The following RGS3 variants were observed in gnomAD, a reference collection of about 807,000 sequenced individuals.
RGS3 encodes regulator of G protein signaling 3, also known as regulator of G-protein signalling 3.
Under a neutral mutation model 132.6 loss-of-function variants are expected in RGS3, and 80 were observed. The observed-to-expected ratio is 0.60, with a 90% CI of 0.50 to 0.73. The LOEUF (loss-of-function observed/expected upper bound fraction) is 0.73. Among genes scored for constraint, RGS3 ranks in the 30% least tolerant of loss-of-function variants. The probability of loss-of-function intolerance (pLI) is 0.00; values close to 1 mark genes in which losing one functional copy is unlikely to be tolerated. For synonymous variants in RGS3, 598 were observed against 620.6 expected (o/e 0.96, Z 0.54); for missense variants, 1,382 against 1,530.8 (o/e 0.90, Z 1.62).
At chr9:113,528,992 C>A (rs771351091) in intron 17 of RGS3, among the ~76,000 whole-genome samples, 13 of 152,212 alleles carry the variant, frequency 8.5e-5, no homozygotes, top group Non-Finnish European at 1.9e-4. Flanking sequence ...TTCAGCATTC[C>A]TTGGGCCAGG....
At chr9:113,457,835 A>C (rs1829396549), upstream of RGS3, among the ~76,000 whole-genome samples, 1 of 152,092 alleles carries the variant, frequency 6.6e-6, no homozygotes, top group Non-Finnish European at 1.5e-5. Context: ...TTTTGAGGCA[A>C]TTTCTATAAG....
chr9:113,499,733 C>T (rs1241542883), intron 10 of RGS3, among the ~76,000 whole-genome samples: 1 of 152,218 alleles, frequency 6.6e-6, no homozygotes, highest in Non-Finnish European at 1.5e-5. Flanking sequence ...GTGTGGTGAC[C>T]ACCTGCTACC....
rs1360174669 is a variant in RGS3, at chr9:113,506,903, A to G, written c.1086-384A>G. ...CTCCCAAATTTTGATCCTCTAGGGT[A>G]AAACCCCGATGGCCCCATTTTAGGT... is the stretch of plus-strand genomic sequence containing the variant. On this transcript the variant is annotated intron_variant, in intron 12 of 24. Coordinates refer to ENST00000350696, the Ensembl canonical transcript of RGS3. This position sits in a 1 kb window ranked among gnomAD's most constrained non-coding sequence, Gnocchi z 4.7. Among the ~76,000 whole-genome samples, 1 of 152,228 alleles carries G rather than the reference A, an allele frequency of 6.6e-6. No homozygotes were observed. The highest frequency in any genetic ancestry group is 2.1e-4 in the South Asian group (1 of 4,834).
At chr9:113,451,877 G>GC (rs1829254076) in intron 1 of RGS3, among the ~76,000 whole-genome samples, 1 of 151,776 alleles carries the variant, frequency 6.6e-6, no homozygotes, top group African/African-American at 2.4e-5. Flanking sequence ...TTCTTGTAGC[G>GC]CATGTTTGCA....
At chr9:113,457,128 T>C (rs1024332307), upstream of RGS3, among the ~76,000 whole-genome samples, 1 of 152,168 alleles carries the variant, frequency 6.6e-6, no homozygotes, top group Non-Finnish European at 1.5e-5. Flanking sequence ...CTGTTTACTT[T>C]CTTGCATATT....
chr9:113,565,867 A>G lies in RGS3; in HGVS notation c.2038-17583A>G, dbSNP rs368001011. On this transcript the variant is annotated intron_variant, in intron 19 of 24. Transcript: ENST00000350696. This position sits in a 1 kb window ranked among gnomAD's most constrained non-coding sequence, Gnocchi z 5.7. ...ACCAAACCATTTGTGCTCTGTTCTG[A>G]GATAGCTCTGTGTGTGTGTGTGTGT... is the stretch of plus-strand genomic sequence containing the variant. The G allele has an allele frequency of 4.9e-4, 86 of 174,970 alleles. No individual in the cohort carries two copies. The highest frequency in any genetic ancestry group is 2.1e-3 in the African/African-American group (80 of 38,910). 10.8% of individuals were successfully genotyped at this position (174,970 alleles called of 1,614,324 possible). A position where few individuals can be genotyped will look rare whatever the true frequency, so the allele number is the denominator to read the frequency against.
chr9:113,463,853 G>A lies in RGS3; in HGVS notation c.415+1652G>A, dbSNP rs145662990. On this transcript the variant is annotated intron_variant, in intron 3 of 24. Transcript: ENST00000350696. This position sits in a 1 kb window ranked among gnomAD's most constrained non-coding sequence, Gnocchi z 4.6. ...CCCTCGGGAGCCGGCGTGCCCACCC[G>A]GACTTGTCCTTCTACCTCACCACCT... The A allele has an allele frequency of 6.2e-7, 1 of 1,613,026 alleles. No homozygotes were observed. Among genetic ancestry groups the A allele is most frequent in the African/African-American group, 1.3e-5 (1 of 74,896 alleles).
Position 113,506,431 on chromosome 9 carries a change from G to A in RGS3, c.1023G>A (p.Val341=). ...CAGGGCTGCAGCAGCTGGACACGGT[G>A]CTGCAGCTGAATGAGAGGCCTGTGG... Residue 341 remains valine (V), a synonymous_variant, in exon 12 of 25, where the codon GTG becomes GTA. Transcript: ENST00000350696. The surrounding 1 kb of genome is among the most constrained non-coding windows in gnomAD (Gnocchi z 4.7). 1 of 1,597,394 alleles carries A rather than the reference G, an allele frequency of 6.3e-7. No individual in the cohort carries two copies. Among genetic ancestry groups the A allele is most frequent in the Non-Finnish European group, 8.5e-7 (1 of 1,173,452 alleles).
At chr9:113,544,750 C>G (rs1317005947) in intron 19 of RGS3, among the ~76,000 whole-genome samples, 21 of 152,228 alleles carry the variant, frequency 1.4e-4, no homozygotes, top group Non-Finnish European at 5.9e-5. Flanking sequence ...TCCTAGGTCA[C>G]ACAGCTGGTA....
chr9:113,506,278 G>A lies in RGS3; in HGVS notation c.980-110G>A. 1 of 655,894 alleles carries A rather than the reference G, an allele frequency of 1.5e-6. No individual in the cohort carries two copies. The highest frequency in any genetic ancestry group is 2.7e-6 in the Non-Finnish European group (1 of 369,628). The allele number at this position is 655,894 out of a possible 1,614,324, so 40.6% of individuals were successfully genotyped here. ...CATTTCACGGATGAAGAAACTTAGAGAAAAAGGGAGGTCCTTGTCTGAGGT... is the reference window on the plus strand; with the variant it reads ...CATTTCACGGATGAAGAAACTTAGAAAAAAAGGGAGGTCCTTGTCTGAGGT... On this transcript the variant is annotated intron_variant, in intron 11 of 24. Coordinates refer to ENST00000350696, the Ensembl canonical transcript of RGS3. The surrounding 1 kb of genome is among the most constrained non-coding windows in gnomAD (Gnocchi z 4.7).
At chr9:113,566,523 G>T (rs1217117665) in intron 19 of RGS3, among the ~76,000 whole-genome samples, 1 of 152,182 alleles carries the variant, frequency 6.6e-6, no homozygotes, top group Non-Finnish European at 1.5e-5. Context: ...AAGGGGAGGA[G>T]CCTTGTCCAA....
At chr9:113,574,776 G>A (rs1254587415) in intron 19 of RGS3, among the ~76,000 whole-genome samples, 2 of 152,204 alleles carry the variant, frequency 1.3e-5, no homozygotes, top group African/African-American at 4.8e-5. Context: ...AGGCAGAAAA[G>A]CAGGGTGCCG....
intron 18 of RGS3, 53 bp from the exon 17 acceptor site, chr9:113,536,743 C>T (rs1832692844): frequency 1.3e-6 from 2 of 1,591,980 alleles, no homozygotes; most frequent in East Asian, 4.5e-5. Flanking sequence ...TGGGAGCCCC[C>T]TGAACCAGGG....
At chr9:113,530,069 TCC>T (rs1320923179) in intron 18 of RGS3, among the ~76,000 whole-genome samples, 1 of 152,250 alleles carries the variant, frequency 6.6e-6, no homozygotes, top group African/African-American at 2.4e-5. Flanking sequence ...TTAGACACAT[TCC>T]TGCCTCTGCC....
At chr9:113,553,482 A>G (rs1367987368) in intron 19 of RGS3, among the ~76,000 whole-genome samples, 1 of 125,026 alleles carries the variant, frequency 8.0e-6, no homozygotes, top group Non-Finnish European at 1.6e-5. Flanking sequence ...ATATATATAT[A>G]TATATATATG....
intron 23 of RGS3, chr9:113,595,236 C>G: frequency 1.7e-6 from 1 of 581,402 alleles, no homozygotes; most frequent in South Asian, 2.2e-5. Context: ...GTGCTCAGAT[C>G]CATATTCCCA....
chr9:113,532,780 G>A (rs553048372), intron 18 of RGS3, among the ~76,000 whole-genome samples: 1 of 152,278 alleles, frequency 6.6e-6, no homozygotes, highest in African/African-American at 2.4e-5. Context: ...ACTGTGAGAG[G>A]CCCTCCCAGG....
chr9:113,498,921 GAA>G (rs755573432), intron 10 of RGS3, among the ~76,000 whole-genome samples: 4 of 47,384 alleles, frequency 8.4e-5, no homozygotes, highest in Non-Finnish European at 8.6e-5. Flanking sequence ...TGTCTCAATT[GAA>G]AAAAAAAAAA....
intron 1 of RGS3, among the ~76,000 whole-genome samples, chr9:113,453,195 C>T (rs143358316): frequency 0.068 from 6,262 of 91,648 alleles, 187 homozygotes; most frequent in African/African-American, 0.082. Context: ...TATATGATTA[C>T]ATAATATACT....
Sources: allele counts gnomAD v4.1 joint callset (sites outside exome capture counted in the v4.1 genomes callset), GRCh38; gene constraint gnomAD v4.1.1; non-coding constraint Gnocchi (gnomAD v3.1); transcripts MANE v1.5; gene names NCBI Gene and HGNC (gene_info 2026-07-23, HGNC 2026-07-21).